The following RUNDC3B variants were observed in gnomAD, a reference collection of about 807,000 sequenced individuals.
The protein encoded by RUNDC3B is RUN domain-containing protein 3B.
RUNDC3B carries 33 observed loss-of-function variants against 58.4 expected under a neutral mutation model. The observed-to-expected ratio is 0.56, with a 90% CI of 0.43 to 0.75. The LOEUF is 0.75. RUNDC3B is among the 30% of genes least tolerant of loss of function. The probability of loss-of-function intolerance (pLI) is 0.00; values close to 1 mark genes in which losing one functional copy is unlikely to be tolerated. For synonymous variants in RUNDC3B, 193 were observed against 195.2 expected (o/e 0.99, Z 0.10); for missense variants, 501 against 535.7 (o/e 0.94, Z 0.64).
chr7:87,812,472 G>A (rs1836778063), intron 9 of RUNDC3B, among the ~76,000 whole-genome samples: 2 of 152,180 alleles, frequency 1.3e-5, no homozygotes, highest in Non-Finnish European at 2.9e-5. Flanking sequence ...AGCCAGGCAT[G>A]GTGGCTGACA....
intron 8 of RUNDC3B, among the ~76,000 whole-genome samples, chr7:87,786,474 G>A (rs1471635485): frequency 3.3e-5 from 5 of 151,618 alleles, no homozygotes; most frequent in Admixed American, 6.6e-5. Context: ...ACTGGGTAGG[G>A]AAGAGATTAA....
intron 1 of RUNDC3B, among the ~76,000 whole-genome samples, chr7:87,629,461 T>C (rs1275074883): frequency 6.6e-6 from 1 of 152,206 alleles, no homozygotes; most frequent in African/African-American, 2.4e-5. Context: ...GTGTGTACTA[T>C]CCACTTTTCA....
intron 7 of RUNDC3B, among the ~76,000 whole-genome samples, chr7:87,777,374 G>A (rs1350556217): frequency 6.6e-6 from 1 of 152,178 alleles, no homozygotes; most frequent in Admixed American, 6.5e-5. Context: ...CACTAGGCCA[G>A]CAGGCCTAAC....
intron 6 of RUNDC3B, among the ~76,000 whole-genome samples, chr7:87,742,142 C>T (rs1005625045): frequency 2.6e-4 from 40 of 152,230 alleles, no homozygotes; most frequent in African/African-American, 7.9e-4. Context: ...TAATTAATGA[C>T]ATCTATGTAT....
rs183839371 is a variant in RUNDC3B, at chr7:87,801,838, A to C, written c.957-5535A>C. 3.9e-3 allele frequency among the ~76,000 whole-genome samples: 590 copies of C among 152,328 alleles called. 7 individuals are homozygous for C. The highest frequency in any genetic ancestry group is 0.014 in the African/African-American group (563 of 41,566). On this transcript the variant is annotated intron_variant, in intron 8 of 10. Coordinates refer to ENST00000394654, the MANE Select transcript of RUNDC3B (RefSeq NM_001134405.2). ...GTAAATATACCCTTCTTGATGGCTC[A>C]AAGTCATGTGATAAATCTTCACAAA...
chr7:87,704,552 A>G (rs1277825222), intron 3 of RUNDC3B, among the ~76,000 whole-genome samples: 1 of 152,226 alleles, frequency 6.6e-6, no homozygotes, highest in Non-Finnish European at 1.5e-5. Context: ...CTAGCTGACC[A>G]ACTCTCTTAA....
At chr7:87,811,150 G>A (rs1305406672) in intron 9 of RUNDC3B, among the ~76,000 whole-genome samples, 9 of 151,920 alleles carry the variant, frequency 5.9e-5, no homozygotes, top group African/African-American at 2.2e-4. Flanking sequence ...AATCTTATTA[G>A]ATTATTGCCT....
chr7:87,690,526 T>C (rs1827909863), intron 2 of RUNDC3B, among the ~76,000 whole-genome samples: 1 of 152,134 alleles, frequency 6.6e-6, no homozygotes. Flanking sequence ...TTTTAAAGCT[T>C]AAGAAAAGTT....
chr7:87,650,820 A>G lies in RUNDC3B; in HGVS notation c.123-2A>G. ...AAAGCAACAATAATCTTTTTTTCATAGGTTTTCTGTGAAGACCCTGATTGA... is the reference window on the plus strand; with the variant it reads ...AAAGCAACAATAATCTTTTTTTCATGGGTTTTCTGTGAAGACCCTGATTGA... On this transcript the variant is annotated splice_acceptor_variant, in intron 1 of 10. Coordinates refer to ENST00000394654, the MANE Select transcript of RUNDC3B (RefSeq NM_001134405.2). LOFTEE classifies it high-confidence loss of function. The G allele has an allele frequency of 6.4e-7, 1 of 1,570,912 alleles. No homozygotes were observed. Among genetic ancestry groups the G allele is most frequent in the Non-Finnish European group, 8.8e-7 (1 of 1,141,114 alleles).
At chr7:87,825,625 A>G (rs1274200828) in intron 10 of RUNDC3B, among the ~76,000 whole-genome samples, 1 of 152,194 alleles carries the variant, frequency 6.6e-6, no homozygotes, top group Non-Finnish European at 1.5e-5. Flanking sequence ...TTGTAGATCC[A>G]CTGACATCTT....
intron 2 of RUNDC3B, among the ~76,000 whole-genome samples, chr7:87,686,490 T>A (rs1827471381): frequency 6.6e-6 from 1 of 152,162 alleles, no homozygotes; most frequent in South Asian, 2.1e-4. Flanking sequence ...GTGACTTTGA[T>A]TATTTATGGA....
Position 87,817,825 on chromosome 7 carries a change from G to C in RUNDC3B, c.1225+1563G>C, listed in dbSNP as rs73706934. On this transcript the variant is annotated intron_variant, in intron 10 of 10. Coordinates refer to ENST00000394654, the MANE Select transcript of RUNDC3B (RefSeq NM_001134405.2). ...AAAATCTTATCCATCATTTTCACCA[G>C]TGTATGAACTAGAGTCTTGACACAA... Among the ~76,000 whole-genome samples, 1,197 of 152,208 alleles carry C rather than the reference G, an allele frequency of 7.9e-3. 22 individuals are homozygous for C. Among genetic ancestry groups the C allele is most frequent in the African/African-American group, 0.027 (1,133 of 41,524 alleles).
intron 2 of RUNDC3B, among the ~76,000 whole-genome samples, chr7:87,662,408 C>A (rs1824803526): frequency 6.6e-6 from 1 of 151,984 alleles, no homozygotes; most frequent in South Asian, 2.1e-4. Context: ...GTATTTAATC[C>A]ATTTTGATTT....
chr7:87,808,683 T>C (rs1189070820), intron 9 of RUNDC3B, among the ~76,000 whole-genome samples: 1 of 152,120 alleles, frequency 6.6e-6, no homozygotes, highest in African/African-American at 2.4e-5. Flanking sequence ...ACTTTTGATA[T>C]TTCATAAATT....
At chr7:87,639,419 A>G (rs1822205242) in intron 1 of RUNDC3B, among the ~76,000 whole-genome samples, 1 of 152,088 alleles carries the variant, frequency 6.6e-6, no homozygotes, top group African/African-American at 2.4e-5. Flanking sequence ...TAGTGTTTTA[A>G]TTGCCTTGTT....
rs1836346594 is a variant in RUNDC3B, at chr7:87,804,658, G to A, written c.957-2715G>A. Among the ~76,000 whole-genome samples the A allele has an allele frequency of 1.3e-5, 2 of 151,960 alleles. 1 individual carries two copies. The highest frequency in any genetic ancestry group is 4.1e-4 in the South Asian group (2 of 4,828). ...TCTATAGAATCATTGTCTTAATGAG[G>A]GAATGAGAAATTGACTTATAGATAA... On this transcript the variant is annotated intron_variant, in intron 8 of 10. Transcript: ENST00000394654.
intron 10 of RUNDC3B, among the ~76,000 whole-genome samples, chr7:87,829,623 G>T (rs1184481612): frequency 1.3e-5 from 2 of 151,902 alleles, no homozygotes; most frequent in African/African-American, 2.4e-5. Flanking sequence ...TTCTAGCTTT[G>T]TTCTTTTTTA....
intron 8 of RUNDC3B, among the ~76,000 whole-genome samples, chr7:87,804,919 T>G (rs954313755): frequency 6.6e-6 from 1 of 152,172 alleles, no homozygotes; most frequent in Admixed American, 6.6e-5. Context: ...GGATTACCTT[T>G]GAGTAGGTTT....
intron 8 of RUNDC3B, among the ~76,000 whole-genome samples, chr7:87,785,281 C>A (rs954479697): frequency 2.6e-5 from 4 of 152,014 alleles, no homozygotes; most frequent in African/African-American, 7.2e-5. Flanking sequence ...GACTGGTCAA[C>A]AGACTGAACC....
Sources: gnomAD v4.1 joint callset for allele counts (sites outside exome capture counted in the v4.1 genomes callset) on GRCh38, gnomAD v4.1.1 for gene constraint, MANE v1.5 for transcripts, NCBI Gene and HGNC (gene_info 2026-07-23, HGNC 2026-07-21) for gene names.